Variants in SLC2A9 observed in about 807,000 individuals in gnomAD.
SLC2A9 encodes solute carrier family 2 member 9, also known as solute carrier family 2, facilitated glucose transporter member 9.
In SLC2A9, 39 loss-of-function variants were observed where a neutral mutation model predicts 50.6. That is an observed-to-expected ratio of 0.77 (90% CI 0.60 to 1.01). The LOEUF (loss-of-function observed/expected upper bound fraction) is 1.01. SLC2A9 is among the 50% of genes least tolerant of loss of function. The probability of loss-of-function intolerance (pLI) is 0.00; values close to 1 mark genes in which losing one functional copy is unlikely to be tolerated. For synonymous variants in SLC2A9, 324 were observed against 276.9 expected, an observed-to-expected ratio of 1.17 and a Z score of -1.69; for missense variants, 686 against 677.6, an observed-to-expected ratio of 1.01 and a Z score of -0.14.
intron 3 of SLC2A9, among the ~76,000 whole-genome samples, chr4:9,806,943 A>G (rs1380979280): frequency 6.6e-6 from 1 of 152,196 alleles, no homozygotes; most frequent in Non-Finnish European, 1.5e-5. Context: ...GAAAGATACC[A>G]AACTCATCGA....
chr4:9,864,883 C>T (rs1049801308), intron 10 of SLC2A9, among the ~76,000 whole-genome samples: 3 of 152,218 alleles, frequency 2.0e-5, no homozygotes, highest in African/African-American at 7.2e-5. Flanking sequence ...GGAGATTATC[C>T]TTGATTATTC....
At chr4:9,864,409 A>G (rs1289056064) in intron 10 of SLC2A9, among the ~76,000 whole-genome samples, 1 of 152,224 alleles carries the variant, frequency 6.6e-6, no homozygotes, top group African/African-American at 2.4e-5. Context: ...CTGCTCTCCA[A>G]GGGCGATTCC....
chr4:10,022,904 G>A (rs769156977), upstream of SLC2A9, among the ~76,000 whole-genome samples: 48 of 152,194 alleles, frequency 3.2e-4, no homozygotes, highest in Non-Finnish European at 5.7e-4. Context: ...GAGCACGCCA[G>A]TCATTCAGTG....
At position 9,847,247 on chromosome 4, in the gene SLC2A9, T is replaced by C. The variant is rs116552664; in HGVS notation, c.1292-12239A>G. Among the ~76,000 whole-genome samples the C allele has an allele frequency of 4.8e-3, 733 of 152,292 alleles. 6 individuals are homozygous for C. The highest frequency in any genetic ancestry group is 0.016 in the African/African-American group (665 of 41,574). On this transcript the variant is annotated intron_variant, in intron 10 of 11. Coordinates refer to ENST00000264784, the MANE Select transcript of SLC2A9 (RefSeq NM_020041.3). ...GGCTGGAGAAGCCTGAGGAAACTTA[T>C]GATCATGGTGGAAAGGGAAGGGGAA... is the stretch of plus-strand genomic sequence containing the variant.
chr4:9,978,900 A>G lies in SLC2A9; in HGVS notation c.681+1692T>C, dbSNP rs78607060. 9.4e-3 allele frequency among the ~76,000 whole-genome samples: 1,436 copies of G among 152,368 alleles called. 26 individuals carry two copies. The highest frequency in any genetic ancestry group is 0.033 in the African/African-American group (1,385 of 41,584). ...TGGTAAACTTTATGTGGATTTTACC[A>G]CAATAAAAAATGTTCAAAACATTTA... On this transcript the variant is annotated intron_variant, in intron 5 of 11. Coordinates refer to ENST00000264784, the MANE Select transcript of SLC2A9 (RefSeq NM_020041.3).
In SLC2A9 at chr4:9,781,769, G is replaced by C. The variant is rs1040439284; in HGVS notation, n.386-1704C>G. 1.2e-5 allele frequency: 5 copies of C among 402,116 alleles called. No individual in the cohort carries two copies. In the Admixed American group the frequency reaches 1.3e-4, roughly 10 times the overall value. 24.9% of individuals were successfully genotyped at this position (402,116 alleles called of 1,614,324 possible). The stretch of plus-strand genomic sequence containing the variant: ...CAGACTCCCGAGAACAGCCCTGGCT[G>C]TCAGCGAGCACCAGCCGCTTCCTGT... On this transcript the variant is annotated intron_variant and non_coding_transcript_variant, in intron 3 of 3. Transcript: ENST00000503803.
chr4:9,927,776 G>A (rs967347266), intron 6 of SLC2A9, among the ~76,000 whole-genome samples: 1 of 152,114 alleles, frequency 6.6e-6, no homozygotes, highest in Non-Finnish European at 1.5e-5. Context: ...ATTATGGACC[G>A]AACCTGGAGC....
At chr4:10,026,323 A>G (rs1763750443), upstream of SLC2A9, among the ~76,000 whole-genome samples, 1 of 152,056 alleles carries the variant, frequency 6.6e-6, no homozygotes, top group Non-Finnish European at 1.5e-5. Context: ...AAAATGTCCT[A>G]GTGTCACCCA....
At chr4:10,035,103 G>A (rs1764056192) in intron 1 of SLC2A9, 1 of 152,422 alleles carries the variant, frequency 6.6e-6, no homozygotes, top group Middle Eastern at 3.4e-3. Flanking sequence ...GTTTTGTCGA[G>A]TTGGCCCCCT....
intron 10 of SLC2A9, among the ~76,000 whole-genome samples, chr4:9,871,803 T>A (rs1046308594): frequency 6.6e-6 from 1 of 152,156 alleles, no homozygotes; most frequent in Non-Finnish European, 1.5e-5. Flanking sequence ...ATAAAACCTA[T>A]GAGTTATGAC....
intron 5 of SLC2A9, among the ~76,000 whole-genome samples, chr4:9,967,292 A>C (rs1358601180): frequency 6.6e-6 from 1 of 152,186 alleles, no homozygotes; most frequent in East Asian, 1.9e-4. Context: ...GAATGAACCA[A>C]ATTATGTGCT....
chr4:10,037,480 C>T (rs1764144682), intron 1 of SLC2A9, among the ~76,000 whole-genome samples: 1 of 152,168 alleles, frequency 6.6e-6, no homozygotes. Flanking sequence ...TCCTCAGTTG[C>T]TCCTCCCAGA....
At chr4:9,810,796 G>A (rs1467572128) in intron 3 of SLC2A9, among the ~76,000 whole-genome samples, 1 of 152,224 alleles carries the variant, frequency 6.6e-6, no homozygotes, top group Admixed American at 6.5e-5. Flanking sequence ...GGAGAGATCG[G>A]ACAGGTTGAG....
chr4:9,949,324 G>T (rs577192200), intron 5 of SLC2A9, among the ~76,000 whole-genome samples: 1 of 152,294 alleles, frequency 6.6e-6, no homozygotes, highest in East Asian at 1.9e-4. Flanking sequence ...ACAGATAAGA[G>T]ATGCTCCAGC....
chr4:10,001,000 C>A (rs1045464659), intron 2 of SLC2A9, among the ~76,000 whole-genome samples: 1 of 152,142 alleles, frequency 6.6e-6, no homozygotes, highest in South Asian at 2.1e-4. Context: ...ATACTAAAGT[C>A]CTAACTCCCC....
chr4:10,012,858 T>G (rs1484629125), intron 2 of SLC2A9, among the ~76,000 whole-genome samples: 2 of 152,086 alleles, frequency 1.3e-5, no homozygotes, highest in Non-Finnish European at 2.9e-5. Context: ...TCATGTGTCA[T>G]GTGTCACGGC....
At chr4:9,812,760 C>A (rs1176689121) in intron 3 of SLC2A9, among the ~76,000 whole-genome samples, 1 of 152,196 alleles carries the variant, frequency 6.6e-6, no homozygotes. Flanking sequence ...CCTCACCACC[C>A]ACACTTCCTG....
At chr4:10,039,374 G>T (rs922873899) in intron 1 of SLC2A9, among the ~76,000 whole-genome samples, 1 of 152,186 alleles carries the variant, frequency 6.6e-6, no homozygotes, top group Non-Finnish European at 1.5e-5. Flanking sequence ...TGCAAGATGG[G>T]ACGTGAAGGG....
intron 3 of SLC2A9, chr4:9,783,318 AG>A (rs1366815613): frequency 1.9e-6 from 3 of 1,614,210 alleles, no homozygotes; most frequent in South Asian, 1.1e-5. Context: ...AACGACGAGG[AG>A]GAGGGTCCTT....
Sources: gnomAD v4.1 joint callset for allele counts (sites outside exome capture counted in the v4.1 genomes callset) on GRCh38, gnomAD v4.1.1 for gene constraint, MANE v1.5 for transcripts, NCBI Gene and HGNC (gene_info 2026-07-23, HGNC 2026-07-21) for gene names.